The following ANKRD10 variants were observed in gnomAD, a reference collection of about 807,000 sequenced individuals.
ANKRD10 encodes the protein ankyrin repeat domain 10.
ANKRD10 carries 14 observed loss-of-function variants against 27.0 expected under a neutral mutation model. The observed-to-expected ratio is 0.52, with a 90% CI of 0.34 to 0.81. The LOEUF is 0.81. ANKRD10 is among the 40% of genes least tolerant of loss of function. ANKRD10 has a pLI of 0.01. For missense variants in ANKRD10, 493 were observed against 544.0 expected, an observed-to-expected ratio of 0.91 and a Z score of 0.93; for synonymous variants, 250 against 224.5, an observed-to-expected ratio of 1.11 and a Z score of -1.01.
At position 110,913,769 on chromosome 13, in the gene ANKRD10, T is replaced by C. The variant is rs116299284; in HGVS notation, c.210+956A>G. Among the ~76,000 whole-genome samples, 397 of 152,298 alleles carry C rather than the reference T, an allele frequency of 2.6e-3. 3 individuals carry two copies. The highest frequency in any genetic ancestry group is 9.2e-3 in the African/African-American group (381 of 41,564). On this transcript the variant is annotated intron_variant, in intron 1 of 5. Transcript: ENST00000267339. ...CTCATCACTTACGAGAAAAACACTA[T>C]ACACATCCCTGAATTTCAGTGAATT... is the stretch of plus-strand genomic sequence containing the variant.
chr13:110,885,043 T>G (rs2064891213), intron 4 of ANKRD10, among the ~76,000 whole-genome samples: 1 of 149,262 alleles, frequency 6.7e-6, no homozygotes. Context: ...GTTGGGGGGA[T>G]GGGGGGTAGT....
chr13:110,907,660 T>C (rs891845181), intron 2 of ANKRD10, among the ~76,000 whole-genome samples: 1 of 152,172 alleles, frequency 6.6e-6, no homozygotes, highest in Non-Finnish European at 1.5e-5. Context: ...AAAAATCCAT[T>C]TTTGAAGACA....
At chr13:110,893,302 G>T in intron 3 of ANKRD10, 39 bp from the exon 4 acceptor site, 1 of 1,592,710 alleles carries the variant, frequency 6.3e-7, no homozygotes, top group Non-Finnish European at 8.6e-7. Flanking sequence ...CCCCATCCGC[G>T]TGCTAACCTG....
At chr13:110,911,556 C>CA (rs1387598758) in intron 1 of ANKRD10, 2 of 152,272 alleles carry the variant, frequency 1.3e-5, no homozygotes, top group African/African-American at 4.8e-5. Context: ...CACCTGAGGT[C>CA]AGGGGTTCAA....
intron 4 of ANKRD10, among the ~76,000 whole-genome samples, chr13:110,890,765 G>A (rs547090375): frequency 6.6e-6 from 1 of 151,586 alleles, no homozygotes; most frequent in African/African-American, 2.4e-5. Context: ...GCACCCTCGG[G>A]CTTGGGACCA....
chr13:110,892,884 TCTC>T lies in ANKRD10; in HGVS notation c.691+141_691+143del, dbSNP rs908156989. 6.2e-6 allele frequency: 9 copies of T among 1,441,188 alleles called. No individual in the cohort carries two copies. The African/African-American group carries it at 1.0e-4, about 16-fold the overall frequency. The allele number at this position is 1,441,188 out of a possible 1,614,324, so 89.3% of individuals were successfully genotyped here. On this transcript the variant is annotated intron_variant, in intron 4 of 5. Coordinates refer to ENST00000267339, the MANE Select transcript of ANKRD10 (RefSeq NM_017664.4). ...CTTCGCAGTGGCAGTACAGGAGAAATCTCCACCGTCACCGCACAATCCACCAGG... is the reference window on the plus strand; with the variant it reads ...CTTCGCAGTGGCAGTACAGGAGAAATCACCGTCACCGCACAATCCACCAGG...
chr13:110,911,161 T>C (rs1343978407), intron 1 of ANKRD10, among the ~76,000 whole-genome samples: 1 of 152,188 alleles, frequency 6.6e-6, no homozygotes, highest in Non-Finnish European at 1.5e-5. Context: ...TTAAAAAACT[T>C]TGTGTAGGCC....
At chr13:110,893,473 A>G (rs1467491060) in intron 3 of ANKRD10, among the ~76,000 whole-genome samples, 1 of 152,224 alleles carries the variant, frequency 6.6e-6, no homozygotes, top group Non-Finnish European at 1.5e-5. Flanking sequence ...GAGATAAACT[A>G]AATATGCTAA....
At chr13:110,885,310 T>C (rs938396688) in intron 4 of ANKRD10, among the ~76,000 whole-genome samples, 2 of 151,732 alleles carry the variant, frequency 1.3e-5, no homozygotes, top group Admixed American at 1.3e-4. Flanking sequence ...CCCAGCACTT[T>C]GGGAGGCCGA....
At chr13:110,914,623 C>A (rs2065832393) in intron 1 of ANKRD10, 102 bp downstream of exon 1, 1 of 1,432,086 alleles carries the variant, frequency 7.0e-7, no homozygotes, top group Non-Finnish European at 9.2e-7. Flanking sequence ...GCTTCCGCCC[C>A]GCGATCCCGG....
intron 4 of ANKRD10, chr13:110,892,691 A>AT (rs2065113447): frequency 4.0e-6 from 4 of 990,682 alleles, no homozygotes; most frequent in Non-Finnish European, 4.8e-6. Flanking sequence ...AAAAAAAAAA[A>AT]TTCAGGCACA....
intron 3 of ANKRD10, among the ~76,000 whole-genome samples, chr13:110,901,167 A>G (rs1003455743): frequency 3.9e-5 from 6 of 152,252 alleles, no homozygotes; most frequent in African/African-American, 1.4e-4. Flanking sequence ...AACATTAGCA[A>G]ACATCTAAGA....
Position 110,898,366 on chromosome 13 carries a change from T to C in ANKRD10, c.456-5103A>G, listed in dbSNP as rs80078848. Among the ~76,000 whole-genome samples the C allele has an allele frequency of 6.6e-5, 10 of 152,356 alleles. No individual in the cohort carries two copies. In the East Asian group the frequency reaches 1.9e-3, roughly 29 times the overall value. The stretch of plus-strand genomic sequence containing the variant: ...AAAGATCATAAAAGAAGTTCAGGTC[T>C]TTAAATTCTATTTTCATTTGTTAAC... On this transcript the variant is annotated intron_variant, in intron 3 of 5. Coordinates refer to ENST00000267339, the MANE Select transcript of ANKRD10 (RefSeq NM_017664.4).
chr13:110,902,585 C>T (rs1315022518), intron 3 of ANKRD10, among the ~76,000 whole-genome samples: 1 of 152,192 alleles, frequency 6.6e-6, no homozygotes, highest in African/African-American at 2.4e-5. Flanking sequence ...TTATATAAGG[C>T]TATCGATGCT....
At chr13:110,897,308 T>TA (rs2065253591) in intron 3 of ANKRD10, among the ~76,000 whole-genome samples, 1 of 150,252 alleles carries the variant, frequency 6.7e-6, no homozygotes, top group Non-Finnish European at 1.5e-5. Context: ...TTTTTTTTTT[T>TA]TTTTAATTTT....
At chr13:110,910,951 C>T (rs2065683022) in intron 1 of ANKRD10, among the ~76,000 whole-genome samples, 181 bp from the exon 2 acceptor site, 1 of 152,158 alleles carries the variant, frequency 6.6e-6, no homozygotes, top group Non-Finnish European at 1.5e-5. Flanking sequence ...AACATATTCC[C>T]TTGTCCTTAT....
intron 1 of ANKRD10, among the ~76,000 whole-genome samples, chr13:110,914,140 C>G (rs1169176188): frequency 6.6e-6 from 1 of 152,220 alleles, no homozygotes; most frequent in East Asian, 1.9e-4. Flanking sequence ...ACACAGCTGC[C>G]GGGGCCTTCC....
intron 3 of ANKRD10, chr13:110,894,990 AAAAGAT>A (rs1594584187): frequency 6.6e-6 from 1 of 152,212 alleles, no homozygotes; most frequent in African/African-American, 2.4e-5. Context: ...TTTCACTTTC[AAAAGAT>A]ATCAGAAGTG....
chr13:110,912,420 C>T (rs2065742929), intron 1 of ANKRD10, among the ~76,000 whole-genome samples: 1 of 152,160 alleles, frequency 6.6e-6, no homozygotes, highest in Admixed American at 6.5e-5. Context: ...CTATTTATTG[C>T]CTTTATTAAT....
Sources: gnomAD v4.1 joint callset for allele counts (sites outside exome capture counted in the v4.1 genomes callset) on GRCh38, gnomAD v4.1.1 for gene constraint, MANE v1.5 for transcripts, NCBI Gene and HGNC (gene_info 2026-07-23, HGNC 2026-07-21) for gene names.